Variants in PLA2G4E observed in about 807,000 individuals in gnomAD.
The protein encoded by PLA2G4E is cytosolic phospholipase A2 epsilon.
A neutral mutation model predicts 109.1 loss-of-function variants in PLA2G4E; 84 were observed. The observed-to-expected ratio is 0.77, with a 90% CI of 0.65 to 0.92. The LOEUF (loss-of-function observed/expected upper bound fraction) is 0.92, where lower values mean the gene tolerates loss of function less well. PLA2G4E is among the 40% of genes least tolerant of loss of function. The pLI is 0.00. For missense variants in PLA2G4E, 1,057 were observed against 1,076.6 expected, an observed-to-expected ratio of 0.98 and a Z score of 0.25; for synonymous variants, 469 against 436.1, an observed-to-expected ratio of 1.08 and a Z score of -0.94.
At chr15:41,983,181 T>C (rs1013376734) in exon 20 of PLA2G4E, 1 of 153,590 alleles carries the variant, frequency 6.5e-6, no homozygotes, top group Non-Finnish European at 1.4e-5. Flanking sequence ...AGAGAATTGC[T>C]TGAACCTGGG....
At chr15:42,006,173 T>G in intron 3 of PLA2G4E, 52 bp from the exon 4 acceptor site, 1 of 1,604,572 alleles carries the variant, frequency 6.2e-7, no homozygotes, top group Non-Finnish European at 8.5e-7. Context: ...CATTGACCCC[T>G]TCCCAGAACA....
At chr15:42,033,930 G>A (rs571822971) in intron 1 of PLA2G4E, among the ~76,000 whole-genome samples, 60 of 152,288 alleles carry the variant, frequency 3.9e-4, no homozygotes, top group African/African-American at 9.1e-4. Context: ...TTCCCTCTGT[G>A]CACATGGATG....
intron 12 of PLA2G4E, among the ~76,000 whole-genome samples, chr15:41,994,999 G>A (rs902881504): frequency 1.1e-4 from 17 of 152,350 alleles, no homozygotes; most frequent in African/African-American, 2.9e-4. Context: ...GGCCCTGCCC[G>A]TTGCATGTCC....
intron 5 of PLA2G4E, among the ~76,000 whole-genome samples, chr15:42,003,048 T>A (rs997450112): frequency 6.6e-6 from 1 of 152,210 alleles, no homozygotes; most frequent in Non-Finnish European, 1.5e-5. Flanking sequence ...AGAGCAGACA[T>A]AAACAGTTTT....
chr15:42,027,987 C>A (rs533024178), intron 1 of PLA2G4E, among the ~76,000 whole-genome samples: 14 of 146,258 alleles, frequency 9.6e-5, no homozygotes, highest in African/African-American at 3.3e-4. Flanking sequence ...AGACTGTAAC[C>A]CTTTTCAGGA....
At chr15:42,024,479 C>A (rs572791493) in intron 1 of PLA2G4E, among the ~76,000 whole-genome samples, 98 of 152,328 alleles carry the variant, frequency 6.4e-4, no homozygotes, top group African/African-American at 2.2e-3. Flanking sequence ...TGTTACCTGA[C>A]ACTTCAGATG....
intron 1 of PLA2G4E, among the ~76,000 whole-genome samples, chr15:42,036,930 G>A (rs1889227736): frequency 6.6e-6 from 1 of 152,190 alleles, no homozygotes; most frequent in Non-Finnish European, 1.5e-5. Context: ...CCCCGCTGCC[G>A]GCGCCCACTC....
intron 1 of PLA2G4E, among the ~76,000 whole-genome samples, chr15:42,033,212 A>G (rs1889145164): frequency 6.6e-6 from 1 of 152,036 alleles, no homozygotes; most frequent in East Asian, 1.9e-4. Context: ...TTGCACCGAG[A>G]TGGATTAAAG....
intron 1 of PLA2G4E, among the ~76,000 whole-genome samples, chr15:42,046,281 G>T (rs1016592890): frequency 6.6e-6 from 1 of 152,184 alleles, no homozygotes; most frequent in Non-Finnish European, 1.5e-5. Context: ...CCCTCCATGG[G>T]CTCCCCCTGT....
intron 10 of PLA2G4E, 96 bp downstream of exon 10, chr15:41,999,428 C>T (rs535778572): frequency 3.2e-5 from 28 of 876,162 alleles, no homozygotes; most frequent in Non-Finnish European, 4.9e-5. Context: ...CATCATTAGC[C>T]ATAGGGGAAA....
At chr15:42,031,960 G>A (rs11632634) in intron 1 of PLA2G4E, among the ~76,000 whole-genome samples, 33,931 of 152,072 alleles carry the variant, frequency 0.22, 3,760 homozygotes, top group South Asian at 0.29. Flanking sequence ...GGGTCATGGG[G>A]ATGGATTTCT....
chr15:42,014,751 C>A (rs899452445), intron 1 of PLA2G4E, among the ~76,000 whole-genome samples: 2 of 152,210 alleles, frequency 1.3e-5, no homozygotes, highest in Non-Finnish European at 2.9e-5. Context: ...AAACAGTCTG[C>A]CTCTCTCCAC....
At chr15:41,999,760 C>T (rs1185765383) in intron 9 of PLA2G4E, among the ~76,000 whole-genome samples, 157 bp downstream of exon 9, 5 of 152,160 alleles carry the variant, frequency 3.3e-5, no homozygotes, top group Non-Finnish European at 1.5e-5. Flanking sequence ...CACTGTAGCT[C>T]ATCAGTCTCC....
intron 14 of PLA2G4E, among the ~76,000 whole-genome samples, chr15:41,989,872 A>G (rs1461094582): frequency 1.3e-5 from 2 of 152,170 alleles, no homozygotes; most frequent in Admixed American, 6.5e-5. Context: ...TCTTCCTTTC[A>G]CAACCTTTGT....
intron 1 of PLA2G4E, among the ~76,000 whole-genome samples, chr15:42,035,157 A>C (rs1376433091): frequency 6.6e-6 from 1 of 152,122 alleles, no homozygotes; most frequent in Non-Finnish European, 1.5e-5. Flanking sequence ...TCTTCTCCGA[A>C]TCGTGGGGGA....
At position 42,044,948 on chromosome 15, in the gene PLA2G4E, C is replaced by T. The variant is rs139979350; in HGVS notation, c.183+5573G>A. Among the ~76,000 whole-genome samples the T allele has an allele frequency of 1.2e-4, 18 of 151,928 alleles. No individual in the cohort carries two copies. In the East Asian group the frequency reaches 2.5e-3, roughly 21 times the overall value. On this transcript the variant is annotated intron_variant, in intron 1 of 19. Transcript: ENST00000399518. ...GCAGAGATGGAAGCAGTGGTGGACTCGAGAGGTATTTCTGAGCAGAACCTA... is the reference window on the plus strand; with the variant it reads ...GCAGAGATGGAAGCAGTGGTGGACTTGAGAGGTATTTCTGAGCAGAACCTA...
At chr15:42,013,565 GCACGTGCACA>G in intron 2 of PLA2G4E, 110 bp downstream of exon 2, 3 of 861,428 alleles carry the variant, frequency 3.5e-6, no homozygotes, top group Non-Finnish European at 3.7e-6. Flanking sequence ...TATACACCAT[GCACGTGCACA>G]CGTGCGCGCG....
intron 1 of PLA2G4E, among the ~76,000 whole-genome samples, chr15:42,017,535 G>A (rs1200379914): frequency 6.6e-6 from 1 of 152,196 alleles, no homozygotes; most frequent in African/African-American, 2.4e-5. Context: ...GAGAGTCAGA[G>A]GCTAAGTCCT....
chr15:41,989,646 C>T, intron 14 of PLA2G4E, 94 bp from the exon 15 acceptor site: 1 of 1,481,384 alleles, frequency 6.8e-7, no homozygotes, highest in Non-Finnish European at 9.0e-7. Flanking sequence ...CTGGCTCAGG[C>T]CTTGGAAAGC....
Sources: allele counts gnomAD v4.1 joint callset (sites outside exome capture counted in the v4.1 genomes callset), GRCh38; gene constraint gnomAD v4.1.1; transcripts MANE v1.5; gene names NCBI Gene and HGNC (gene_info 2026-07-23, HGNC 2026-07-21).